Variants in CHMP1A observed in about 807,000 individuals in gnomAD.
CHMP1A encodes the protein VPS46 homolog A.
CHMP1A carries 17 observed loss-of-function variants against 27.0 expected under a neutral mutation model. The ratio of observed to expected loss-of-function variants is 0.63; its 90% CI spans 0.43 to 0.95. The LOEUF is 0.95. Among genes scored for constraint, CHMP1A ranks in the 40% least tolerant of loss-of-function variants. The probability of loss-of-function intolerance (pLI) is 0.00; values close to 1 mark genes in which losing one functional copy is unlikely to be tolerated. For missense variants in CHMP1A, 275 were observed against 264.0 expected (o/e 1.04, Z -0.29); for synonymous variants, 131 against 107.5 (o/e 1.22, Z -1.35).
intron 2 of CHMP1A, among the ~76,000 whole-genome samples, chr16:89,653,277 G>A (rs1381083586): frequency 6.7e-6 from 1 of 148,166 alleles, no homozygotes; most frequent in African/African-American, 2.4e-5. Context: ...CCAAAGTGCT[G>A]GGATTACAGG....
chr16:89,649,508 C>A lies in CHMP1A; in HGVS notation c.106-11G>T, dbSNP rs3815949. The A allele has an allele frequency of 1.5e-5, 24 of 1,613,208 alleles. No homozygotes were observed. The highest frequency in any genetic ancestry group is 2.0e-5 in the Non-Finnish European group (24 of 1,179,782). ...TTTCTGCAGAAGGGCCTGAAACCCGCGGGGGAAAGCAGCTGGAAGAGCTTG... is the reference window on the plus strand; with the variant it reads ...TTTCTGCAGAAGGGCCTGAAACCCGAGGGGGAAAGCAGCTGGAAGAGCTTG... On this transcript the variant is annotated splice_polypyrimidine_tract_variant and intron_variant, in intron 3 of 6. Transcript: ENST00000397901.
At position 89,654,654 on chromosome 16, in the gene CHMP1A, AT is replaced by A. The variant is rs568974256; in HGVS notation, c.8-732del. On this transcript the variant is annotated intron_variant, in intron 1 of 6. Coordinates refer to ENST00000397901, the MANE Select transcript of CHMP1A (RefSeq NM_002768.5). ...CCTCATCTCTATTAGAAAAATATAT[AT>A]TTTTTTGCCGGGTGCGGTGGCTCAC... Among the ~76,000 whole-genome samples, 14 of 150,760 alleles carry A rather than the reference AT, an allele frequency of 9.3e-5. No individual in the cohort carries two copies. The East Asian group carries it at 2.7e-3, about 30-fold the overall frequency.
chr16:89,653,313 G>T, intron 2 of CHMP1A, among the ~76,000 whole-genome samples: 1 of 140,602 alleles, frequency 7.1e-6, no homozygotes, highest in East Asian at 2.6e-4. Flanking sequence ...CTGGCCCCAA[G>T]TTGTCTTTCT....
chr16:89,645,730 T>TG lies in CHMP1A; in HGVS notation c.*335dup, dbSNP rs2059768255. On this transcript the variant is annotated 3_prime_UTR_variant, in exon 7 of 7. Transcript: ENST00000397901. ...GGCAGCCCTGACCCCCTCTGGCTGA[T>TG]GGGAAGCAGCATGTCTGCTGCCCCA... 1 of 493,794 alleles carries TG rather than the reference T, an allele frequency of 2.0e-6. No homozygotes were observed. Among genetic ancestry groups the TG allele is most frequent in the Middle Eastern group, 6.3e-4 (1 of 1,578 alleles). The allele number at this position is 493,794 out of a possible 1,614,324, so 30.6% of individuals were successfully genotyped here. A position where few individuals can be genotyped will look rare whatever the true frequency, so the allele number is the denominator to read the frequency against.
At chr16:89,649,132 TCCCACCCCACG>T (rs2059804258) in intron 4 of CHMP1A, 1 of 611,000 alleles carries the variant, frequency 1.6e-6, no homozygotes, top group Non-Finnish European at 2.7e-6. Context: ...TGCCAGCATT[TCCCACCCCACG>T]CTGATCCAGC....
Position 89,645,929 on chromosome 16 carries a change from C to T in CHMP1A, c.*137G>A. ...AGGAACAACCCTAAGGCCACGCAGG[C>T]CTGGCAGGTGAGAGACGCAGAGTGG... On this transcript the variant is annotated 3_prime_UTR_variant, in exon 7 of 7. Coordinates refer to ENST00000397901, the MANE Select transcript of CHMP1A (RefSeq NM_002768.5). 2 of 1,610,866 alleles carry T rather than the reference C, an allele frequency of 1.2e-6. No individual in the cohort carries two copies. Among genetic ancestry groups the T allele is most frequent in the Non-Finnish European group, 1.7e-6 (2 of 1,178,702 alleles).
chr16:89,646,172 C>T, intron 6 of CHMP1A, 85 bp from the exon 7 acceptor site: 1 of 1,262,682 alleles, frequency 7.9e-7, no homozygotes. Context: ...TGACCCTTTT[C>T]CTCCTCAGTG....
At chr16:89,650,019 A>G (rs1325792095) in intron 3 of CHMP1A, among the ~76,000 whole-genome samples, 1 of 152,010 alleles carries the variant, frequency 6.6e-6, no homozygotes, top group Non-Finnish European at 1.5e-5. Context: ...TGGGCACGGG[A>G]CACAGCGGGT....
chr16:89,646,006 G>C lies in CHMP1A; in HGVS notation c.*60C>G. 1 of 1,610,880 alleles carries C rather than the reference G, an allele frequency of 6.2e-7. No individual in the cohort carries two copies. Among genetic ancestry groups the C allele is most frequent in the Non-Finnish European group, 8.5e-7 (1 of 1,178,998 alleles). ...GCACAAAGGCAAGACGCGGTGGGGA[G>C]AGGACAGGAGCCTTCCAGCACATCA... On this transcript the variant is annotated 3_prime_UTR_variant, in exon 7 of 7. Transcript: ENST00000397901.
chr16:89,653,986 G>T, intron 1 of CHMP1A, 63 bp from the exon 2 acceptor site: 2 of 1,556,504 alleles, frequency 1.3e-6, no homozygotes, highest in Non-Finnish European at 1.8e-6. Flanking sequence ...CTTCTGGCAG[G>T]CAGGACTCAC....
intron 1 of CHMP1A, 96 bp from the exon 2 acceptor site, chr16:89,654,019 A>G: frequency 7.7e-7 from 1 of 1,302,542 alleles, no homozygotes; most frequent in Non-Finnish European, 1.1e-6. Context: ...AGACACCAGG[A>G]GCTAGAACAC....
At chr16:89,649,314 G>T (rs144024254) in intron 4 of CHMP1A, 37 bp downstream of exon 4, 3 of 1,597,262 alleles carry the variant, frequency 1.9e-6, no homozygotes, top group African/African-American at 1.3e-5. Context: ...TTCAGCCAGC[G>T]AACGCCACCC....
At chr16:89,647,428 G>A in intron 4 of CHMP1A, 97 bp from the exon 5 acceptor site, 3 of 1,244,342 alleles carry the variant, frequency 2.4e-6, no homozygotes, top group Non-Finnish European at 3.4e-6. Context: ...GAGAGCTGGG[G>A]CACCCCAACC....
chr16:89,648,647 T>C (rs1045846638), intron 4 of CHMP1A, among the ~76,000 whole-genome samples: 3 of 152,060 alleles, frequency 2.0e-5, no homozygotes, highest in East Asian at 1.9e-4. Flanking sequence ...TTCCAGCACT[T>C]TGGGAGGCCG....
chr16:89,655,030 C>T (rs2059853723), intron 1 of CHMP1A, among the ~76,000 whole-genome samples: 1 of 152,152 alleles, frequency 6.6e-6, no homozygotes, highest in Admixed American at 6.5e-5. Context: ...ACCCTGACCC[C>T]AGATTCCTGA....
chr16:89,646,043 CG>C lies in CHMP1A; in HGVS notation c.*22del, dbSNP rs2151510839. ...CTTCCAGCACATCACGGGGCAGAGG[CG>C]GTGCACACCGGCGGGGCACGGCTAG... On this transcript the variant is annotated 3_prime_UTR_variant, in exon 7 of 7. Transcript: ENST00000397901. 6.3e-7 allele frequency: 1 copy of C among 1,580,886 alleles called. No individual in the cohort carries two copies. Among genetic ancestry groups the C allele is most frequent in the African/African-American group, 1.4e-5 (1 of 73,606 alleles).
At chr16:89,656,615 G>A (rs1464536167) in intron 1 of CHMP1A, among the ~76,000 whole-genome samples, 1 of 152,226 alleles carries the variant, frequency 6.6e-6, no homozygotes, top group Non-Finnish European at 1.5e-5. Flanking sequence ...AAACGCTTGT[G>A]CTGGCTCCTG....
At chr16:89,657,444 G>C (rs1218253698) in intron 1 of CHMP1A, 138 bp downstream of exon 1, 28 of 1,029,870 alleles carry the variant, frequency 2.7e-5, no homozygotes, top group Non-Finnish European at 4.0e-5. Flanking sequence ...CCTGGGGATG[G>C]GGTCCCGGGG....
Position 89,649,375 on chromosome 16 carries a change from C to A in CHMP1A, c.228G>T (p.Val76=), listed in dbSNP as rs746450008. ...ASRVDAVASK[V]QTAVTMKGVT... is the part of the protein sequence containing the mutation. ...CCCCCTTCATAGTCACAGCTGTCTG[C>A]ACCTTGGAGGCCACTGCGTCTACGC... The change falls in exon 4 of 7, where the codon GTG becomes GTT. Residue 76 remains valine (V), a synonymous_variant. Coordinates refer to ENST00000397901, the MANE Select transcript of CHMP1A (RefSeq NM_002768.5). 1 of 1,613,580 alleles carries A rather than the reference C, an allele frequency of 6.2e-7. No individual in the cohort carries two copies. The highest frequency in any genetic ancestry group is 8.5e-7 in the Non-Finnish European group (1 of 1,179,752).
Sources: gnomAD v4.1 joint callset for allele counts (sites outside exome capture counted in the v4.1 genomes callset) on GRCh38, gnomAD v4.1.1 for gene constraint, MANE v1.5 for transcripts, NCBI Gene and HGNC (gene_info 2026-07-23, HGNC 2026-07-21) for gene names.